Variants in DHRS12 observed in about 807,000 individuals in gnomAD.
DHRS12 encodes the protein dehydrogenase/reductase SDR family member 12.
DHRS12 carries 29 observed loss-of-function variants against 32.1 expected under a neutral mutation model. That is an observed-to-expected ratio of 0.90 (90% CI 0.67 to 1.23). DHRS12 has a LOEUF of 1.23. Ranked by LOEUF, DHRS12 falls within the 50% of genes most tolerant of loss-of-function variation. The pLI is 0.00. For synonymous variants in DHRS12, 150 were observed against 135.9 expected (o/e 1.10, Z -0.72); for missense variants, 330 against 337.2 (o/e 0.98, Z 0.17).
chr13:51,756,272 GC>G, the DHRS12 span: 2 of 1,561,768 alleles, frequency 1.3e-6, no homozygotes, highest in Non-Finnish European at 8.7e-7. Flanking sequence ...GGGGTGAGAT[GC>G]GGGGGCCTCA....
intron 4 of DHRS12, among the ~76,000 whole-genome samples, chr13:51,789,280 T>C (rs961051975): frequency 6.6e-6 from 1 of 152,150 alleles, no homozygotes; most frequent in African/African-American, 2.4e-5. Flanking sequence ...GGAAGAGTGT[T>C]GGATTCACTG....
the DHRS12 span, chr13:51,755,488 G>A: frequency 6.3e-7 from 1 of 1,596,246 alleles, no homozygotes; most frequent in Non-Finnish European, 8.6e-7. Flanking sequence ...TCATCAAAAT[G>A]TAATTATATG....
At chr13:51,776,241 T>G (rs1954389663) in intron 5 of DHRS12, 1 of 152,152 alleles carries the variant, frequency 6.6e-6, no homozygotes, top group Admixed American at 6.5e-5. Context: ...AAGTCTGAGG[T>G]GGGGCTCATG....
intron 2 of DHRS12, among the ~76,000 whole-genome samples, chr13:51,792,340 TGAC>T (rs374369921): frequency 2.7e-3 from 407 of 152,326 alleles, no homozygotes; most frequent in Middle Eastern, 0.01. Context: ...TGCATTTCCC[TGAC>T]GACTACTGAC....
intron 7 of DHRS12, 49 bp from the exon 8 acceptor site, chr13:51,769,342 T>A: frequency 7.4e-7 from 1 of 1,348,288 alleles, no homozygotes; most frequent in Non-Finnish European, 9.8e-7. Context: ...CTCCAGCAAA[T>A]GTGGTTGACT....
rs924377002 is a variant in DHRS12 at position 51,797,877 on chromosome 13, T to C, written c.126+1657A>G. The C allele has an allele frequency of 2.0e-6, 3 of 1,535,784 alleles. No homozygotes were observed. In the African/African-American group the frequency reaches 4.1e-5, roughly 21 times the overall value. ...CACCCCTGGCATCTTCTGCTGGGGCTTGATCTCGACAAACCAGGTGAACTG... is the reference window on the plus strand; with the variant it reads ...CACCCCTGGCATCTTCTGCTGGGGCCTGATCTCGACAAACCAGGTGAACTG... On this transcript the variant is annotated intron_variant, in intron 2 of 8. Transcript: ENST00000444610.
intron 7 of DHRS12, 61 bp downstream of exon 7, chr13:51,771,760 G>A (rs1357756545): frequency 1.2e-5 from 19 of 1,575,830 alleles, no homozygotes; most frequent in Admixed American, 5.0e-5. Flanking sequence ...TCAATCCTGC[G>A]GCTGCTCAGG....
chr13:51,803,747 G>C (rs565684129), intron 1 of DHRS12: 188 of 260,942 alleles, frequency 7.2e-4, no homozygotes, highest in African/African-American at 3.9e-3. Context: ...CCGAGGTGCC[G>C]CCCAAGAGGC....
At chr13:51,787,970 C>G (rs892142220) in intron 4 of DHRS12, among the ~76,000 whole-genome samples, 1 of 141,160 alleles carries the variant, frequency 7.1e-6, no homozygotes, top group Non-Finnish European at 1.5e-5. Flanking sequence ...ATATATGCAA[C>G]TCTCACTCGT....
the DHRS12 span, chr13:51,760,960 C>T: frequency 6.6e-6 from 1 of 152,258 alleles, no homozygotes; most frequent in Non-Finnish European, 1.5e-5. Context: ...CATACATGCT[C>T]TGAAAATAAG....
chr13:51,758,041 AC>A, the DHRS12 span: 1 of 409,632 alleles, frequency 2.4e-6, no homozygotes, highest in Non-Finnish European at 4.6e-6. Context: ...ATAACTGGTC[AC>A]CAGGGAATAA....
chr13:51,766,792 T>G (rs1311778682), downstream of DHRS12: 1 of 152,264 alleles, frequency 6.6e-6, no homozygotes, highest in Admixed American at 6.5e-5. Context: ...TGTGAAAACC[T>G]TTCTGCAGCT....
At chr13:51,796,662 T>A (rs1352478704) in intron 2 of DHRS12, among the ~76,000 whole-genome samples, 3 of 152,218 alleles carry the variant, frequency 2.0e-5, no homozygotes, top group African/African-American at 7.2e-5. Context: ...AACCTCCTCC[T>A]GTCCGTGGCC....
chr13:51,771,474 C>G, intron 7 of DHRS12: 1 of 1,614,198 alleles, frequency 6.2e-7, no homozygotes, highest in Non-Finnish European at 8.5e-7. Flanking sequence ...CACTACCTTC[C>G]TCAGCTCCTG....
At chr13:51,771,352 T>C in intron 7 of DHRS12, 2 of 1,612,134 alleles carry the variant, frequency 1.2e-6, no homozygotes, top group Non-Finnish European at 1.7e-6. Context: ...CCTCCACCGC[T>C]GCTCCAACAC....
the DHRS12 span, chr13:51,762,366 A>AGCCACTCAGAGG: frequency 6.6e-6 from 1 of 152,272 alleles, no homozygotes; most frequent in Non-Finnish European, 1.5e-5. Context: ...CAGCCCACAG[A>AGCCACTCAGAGG]GCCACTCAGA....
intron 2 of DHRS12, among the ~76,000 whole-genome samples, chr13:51,792,104 G>A (rs1955301022): frequency 6.6e-6 from 1 of 152,100 alleles, no homozygotes; most frequent in Admixed American, 6.5e-5. Context: ...AATTCCCTTG[G>A]ATAAGTACCC....
downstream of DHRS12, chr13:51,763,543 A>C (rs961660994): frequency 5.3e-5 from 8 of 152,236 alleles, no homozygotes; most frequent in African/African-American, 9.6e-5. Context: ...TCACACCTAT[A>C]ATCTGAACAC....
Position 51,804,163 on chromosome 13 carries a change from T to C in DHRS12, c.-118A>G. On this transcript the variant is annotated 5_prime_UTR_variant, in exon 1 of 9. Transcript: ENST00000444610. Reference sequence around the variant, plus strand: ...CGCGCTCCCGGCGCGGCCTCCGCCCTGGTCCCGCCCCCCGGGAGTCGCCCG... The same window carrying C: ...CGCGCTCCCGGCGCGGCCTCCGCCCCGGTCCCGCCCCCCGGGAGTCGCCCG... The C allele has an allele frequency of 2.1e-6, 3 of 1,410,956 alleles. No individual in the cohort carries two copies. The highest frequency in any genetic ancestry group is 3.0e-5 in the East Asian group (1 of 33,140). 87.4% of individuals were successfully genotyped at this position (1,410,956 alleles called of 1,614,324 possible). A position where few individuals can be genotyped will look rare whatever the true frequency, so the allele number is the denominator to read the frequency against.
Sources: allele counts gnomAD v4.1 joint callset (sites outside exome capture counted in the v4.1 genomes callset), GRCh38; gene constraint gnomAD v4.1.1; transcripts MANE v1.5; gene names NCBI Gene and HGNC (gene_info 2026-07-23, HGNC 2026-07-21).